KCNQ1: variants seen among roughly 807,000 people sequenced by gnomAD.
The protein encoded by KCNQ1 is potassium voltage-gated channel subfamily Q member 1, also known as potassium voltage-gated channel subfamily KQT member 1.
KCNQ1 carries 49 observed loss-of-function variants against 72.4 expected under a neutral mutation model. That is an observed-to-expected ratio of 0.68 (90% CI 0.54 to 0.86). The LOEUF is 0.86. KCNQ1 is among the 40% of genes least tolerant of loss of function. The pLI, the probability that KCNQ1 is intolerant of heterozygous loss-of-function variation, is 0.00. For missense variants in KCNQ1, 790 were observed against 945.1 expected, an observed-to-expected ratio of 0.84 and a Z score of 2.15; for synonymous variants, 450 against 412.6, an observed-to-expected ratio of 1.09 and a Z score of -1.10.
intron 10 of KCNQ1, chr11:2,615,180 G>T (rs1849041343): frequency 5.0e-6 from 2 of 397,790 alleles, no homozygotes; most frequent in South Asian, 1.3e-4. Context: ...TTTAAAAATT[G>T]ACTTCCTTCT....
intron 11 of KCNQ1, among the ~76,000 whole-genome samples, chr11:2,738,129 A>G (rs1212600548): frequency 1.3e-5 from 2 of 152,076 alleles, no homozygotes; most frequent in African/African-American, 2.4e-5. Flanking sequence ...TGAACGAGGA[A>G]AGGAGAAACT....
chr11:2,488,227 G>T lies in KCNQ1; in HGVS notation c.387-39701G>T, dbSNP rs1846774086. On this transcript the variant is annotated intron_variant, in intron 1 of 15. Coordinates refer to ENST00000155840, the MANE Select transcript of KCNQ1 (RefSeq NM_000218.3). The surrounding 1 kb of genome is among the most constrained non-coding windows in gnomAD (Gnocchi z 5.1). ...CCAGGACTAAATCTCACATGGTCATGATATGTAATACTTTAACTATGTTTC... is the reference window on the plus strand; with the variant it reads ...CCAGGACTAAATCTCACATGGTCATTATATGTAATACTTTAACTATGTTTC... 6.6e-6 allele frequency among the ~76,000 whole-genome samples: 1 copy of T among 152,144 alleles called. No individual in the cohort carries two copies. The highest frequency in any genetic ancestry group is 1.5e-5 in the Non-Finnish European group (1 of 68,002).
At chr11:2,472,154 T>C (rs575864524) in intron 1 of KCNQ1, among the ~76,000 whole-genome samples, 1 of 151,754 alleles carries the variant, frequency 6.6e-6, no homozygotes, top group East Asian at 1.9e-4. Flanking sequence ...GTGTTTTATG[T>C]ATGGGTGTGT....
At position 2,682,820 on chromosome 11, in the gene KCNQ1, G is replaced by T; in HGVS notation, c.1514+20739G>T. ...TGCAGTGACTTGCAGTGATCCTCCT[G>T]GGGCCTTGTATAGAAGAGACCATCT... is the stretch of plus-strand genomic sequence containing the variant. On this transcript the variant is annotated intron_variant, in intron 11 of 15. Transcript: ENST00000155840. The surrounding 1 kb of genome is among the most constrained non-coding windows in gnomAD (Gnocchi z 5.8). 1 of 398,598 alleles carries T rather than the reference G, an allele frequency of 2.5e-6. No homozygotes were observed. Among genetic ancestry groups the T allele is most frequent in the Non-Finnish European group, 4.4e-6 (1 of 226,070 alleles). The allele number at this position is 398,598 out of a possible 1,614,324, so 24.7% of individuals were successfully genotyped here.
At position 2,617,457 on chromosome 11, in the gene KCNQ1, A is replaced by T. The variant is rs1371834076; in HGVS notation, c.1393+28603A>T. The T allele has an allele frequency of 2.5e-6, 1 of 398,364 alleles. No homozygotes were observed. Among genetic ancestry groups the T allele is most frequent in the East Asian group, 3.6e-5 (1 of 28,078 alleles). 24.7% of individuals were successfully genotyped at this position (398,364 alleles called of 1,614,324 possible). A position where few individuals can be genotyped will look rare whatever the true frequency, so the allele number is the denominator to read the frequency against. On this transcript the variant is annotated intron_variant, in intron 10 of 15. Coordinates refer to ENST00000155840, the MANE Select transcript of KCNQ1 (RefSeq NM_000218.3). This position sits in a 1 kb window ranked among gnomAD's most constrained non-coding sequence, Gnocchi z 4.6. ...ATTGTAGACATACACACCACAGTTT[A>T]GTCATCCATCAATGGACACGTAAGT...
rs566057523 is a variant in KCNQ1, at chr11:2,808,797, G to A, written c.1794+30760G>A. Among the ~76,000 whole-genome samples the A allele has an allele frequency of 4.4e-4, 67 of 152,246 alleles. 1 individual carries two copies. Among genetic ancestry groups the A allele is most frequent in the Non-Finnish European group, 8.5e-4 (58 of 68,030 alleles). ...CTTCTCTGTATGTTGCATAGAAAAA[G>A]GATGGTTAGATACATGGGCAGATTA... On this transcript the variant is annotated intron_variant, in intron 15 of 15. Transcript: ENST00000155840. The surrounding 1 kb of genome is among the most constrained non-coding windows in gnomAD (Gnocchi z 6.0).
Position 2,549,351 on chromosome 11 carries a change from A to G in KCNQ1, c.478-21277A>G, listed in dbSNP as rs1420227763. On this transcript the variant is annotated intron_variant, in intron 2 of 15. Transcript: ENST00000155840. The surrounding 1 kb of genome is among the most constrained non-coding windows in gnomAD (Gnocchi z 6.2). ...AACCTGGGTCCAGGCACCTGGGGCGACCCTCCTTGGCCGTCCTTGCCATCC... is the reference window on the plus strand; with the variant it reads ...AACCTGGGTCCAGGCACCTGGGGCGGCCCTCCTTGGCCGTCCTTGCCATCC... Among the ~76,000 whole-genome samples, 1 of 150,784 alleles carries G rather than the reference A, an allele frequency of 6.6e-6. No individual in the cohort carries two copies. The highest frequency in any genetic ancestry group is 2.0e-4 in the East Asian group (1 of 5,110).
intron 1 of KCNQ1, among the ~76,000 whole-genome samples, chr11:2,459,926 G>C (rs1846249805): frequency 6.6e-6 from 1 of 152,134 alleles, no homozygotes; most frequent in Non-Finnish European, 1.5e-5. Flanking sequence ...AGCCAGAAAA[G>C]GTGTGTGGTT....
At chr11:2,587,767 G>A in intron 9 of KCNQ1, 75 bp downstream of exon 9, 2 of 1,600,128 alleles carry the variant, frequency 1.2e-6, no homozygotes, top group Admixed American at 3.3e-5. Context: ...CGCAGCACGA[G>A]GCTGGGATCT....
chr11:2,811,993 C>T (rs747456697), intron 15 of KCNQ1, among the ~76,000 whole-genome samples: 1 of 152,148 alleles, frequency 6.6e-6, no homozygotes, highest in Admixed American at 6.5e-5. Context: ...GCAGCCCCAC[C>T]GGCTGTGCCG....
At chr11:2,802,059 G>C (rs896246321) in intron 15 of KCNQ1, among the ~76,000 whole-genome samples, 1 of 152,250 alleles carries the variant, frequency 6.6e-6, no homozygotes, top group Admixed American at 6.5e-5. Flanking sequence ...CTGCGGAGCG[G>C]GGCGCGGTGG....
At position 2,461,492 on chromosome 11, in the gene KCNQ1, G is replaced by A; in HGVS notation, c.386+16008G>A. 2.3e-6 allele frequency: 3 copies of A among 1,302,264 alleles called. No homozygotes were observed. The South Asian group carries it at 3.6e-5, about 16-fold the overall frequency. 80.7% of individuals were successfully genotyped at this position (1,302,264 alleles called of 1,614,324 possible). ...CCTGGGGCTGTGAGAGGCCCGGGAA[G>A]GCACTGTCTTTGCGCCTGCACATGT... On this transcript the variant is annotated intron_variant, in intron 1 of 15. Transcript: ENST00000155840.
chr11:2,522,731 A>G (rs1240968809), intron 1 of KCNQ1, among the ~76,000 whole-genome samples: 1 of 152,200 alleles, frequency 6.6e-6, no homozygotes, highest in East Asian at 1.9e-4. Flanking sequence ...TGTCCCCACC[A>G]TCTGCCTGGC....
intron 2 of KCNQ1, among the ~76,000 whole-genome samples, chr11:2,560,908 G>A (rs182697831): frequency 7.9e-4 from 120 of 152,210 alleles, no homozygotes; most frequent in African/African-American, 2.4e-3. Context: ...GTGAGGCTGC[G>A]CGGTGCCCTG....
chr11:2,646,888 T>C (rs1301853577), intron 10 of KCNQ1: 2 of 398,546 alleles, frequency 5.0e-6, no homozygotes, highest in Non-Finnish European at 8.8e-6. Flanking sequence ...TAAAAGATTT[T>C]GGTGGAATCT....
At chr11:2,754,493 A>G (rs1293662944) in intron 11 of KCNQ1, among the ~76,000 whole-genome samples, 2 of 152,254 alleles carry the variant, frequency 1.3e-5, no homozygotes, top group Non-Finnish European at 2.9e-5. Flanking sequence ...AGGCTATACT[A>G]ACTAAGATGT....
intron 11 of KCNQ1, among the ~76,000 whole-genome samples, chr11:2,737,139 C>G (rs914620587): frequency 6.6e-6 from 1 of 152,180 alleles, no homozygotes; most frequent in Middle Eastern, 3.2e-3. Flanking sequence ...AGGGAGGACT[C>G]CCCCAGGAGA....
chr11:2,729,916 C>T (rs554709287), intron 11 of KCNQ1, among the ~76,000 whole-genome samples: 8 of 152,134 alleles, frequency 5.3e-5, no homozygotes, highest in South Asian at 2.1e-4. Flanking sequence ...GTCCCCAAAG[C>T]GAGGTGAATC....
chr11:2,761,491 G>A (rs906434627), intron 11 of KCNQ1, among the ~76,000 whole-genome samples: 17 of 152,288 alleles, frequency 1.1e-4, no homozygotes, highest in Middle Eastern at 3.4e-3. Context: ...CAGAAACACC[G>A]AAATGTCTGT....
Sources: allele counts gnomAD v4.1 joint callset (sites outside exome capture counted in the v4.1 genomes callset), GRCh38; gene constraint gnomAD v4.1.1; non-coding constraint Gnocchi (gnomAD v3.1); transcripts MANE v1.5; gene names NCBI Gene and HGNC (gene_info 2026-07-23, HGNC 2026-07-21).